Variants in TRIM9 observed in about 807,000 individuals in gnomAD.
The protein encoded by TRIM9 is E3 ubiquitin-protein ligase TRIM9.
TRIM9 carries 26 observed loss-of-function variants against 78.3 expected under a neutral mutation model. That is an observed-to-expected ratio of 0.33 (90% CI 0.24 to 0.46). The LOEUF (loss-of-function observed/expected upper bound fraction) is 0.46. Among genes scored for constraint, TRIM9 ranks in the 20% least tolerant of loss-of-function variants. The pLI is 1.00. For synonymous variants in TRIM9, 398 were observed against 416.5 expected, an observed-to-expected ratio of 0.96 and a Z score of 0.54; for missense variants, 787 against 1,036.4, an observed-to-expected ratio of 0.76 and a Z score of 3.30.
At chr14:51,012,654 G>A (rs1566577423) in intron 3 of TRIM9, among the ~76,000 whole-genome samples, 1 of 152,116 alleles carries the variant, frequency 6.6e-6, no homozygotes, top group African/African-American at 2.4e-5. Context: ...CATGGCAGCT[G>A]TACCATTTTA....
intron 1 of TRIM9, among the ~76,000 whole-genome samples, chr14:51,060,273 T>C (rs894813305): frequency 3.3e-5 from 5 of 152,228 alleles, no homozygotes; most frequent in African/African-American, 7.2e-5. Context: ...CAAAGTCTTA[T>C]ATCAGCCTAA....
intron 1 of TRIM9, among the ~76,000 whole-genome samples, chr14:51,082,639 G>T (rs2063405452): frequency 1.3e-5 from 2 of 152,234 alleles, no homozygotes; most frequent in South Asian, 4.1e-4. Context: ...AATAGTTGAG[G>T]TTTCTTTTTG....
chr14:51,074,979 A>C (rs1026911879), intron 1 of TRIM9, among the ~76,000 whole-genome samples: 10 of 152,342 alleles, frequency 6.6e-5, no homozygotes, highest in African/African-American at 2.4e-4. Flanking sequence ...GTCTCTTCAC[A>C]AAGGCACAAG....
At chr14:50,994,847 A>G (rs780178877) in intron 7 of TRIM9, among the ~76,000 whole-genome samples, 1 of 152,242 alleles carries the variant, frequency 6.6e-6, no homozygotes, top group Non-Finnish European at 1.5e-5. Context: ...TGAAAATTTC[A>G]TTAAAATTCT....
intron 5 of TRIM9, among the ~76,000 whole-genome samples, chr14:51,008,678 C>T (rs1181782018): frequency 6.6e-6 from 1 of 152,236 alleles, no homozygotes. Context: ...GATCCATGCT[C>T]AACCATTTGC....
Position 51,094,699 on chromosome 14 carries a change from A to G in TRIM9, c.241T>C (p.Tyr81His). Residue 81 changes from tyrosine to histidine, a missense_variant, in exon 1 of 13, where the codon TAC (tyrosine) becomes CAC (histidine). By Grantham distance (83) the Tyr-to-His change is moderately conservative. Around this residue, in one of 3 missense-constraint regions of TRIM9, gnomAD observed 352 missense variants for 472.3 expected, o/e 0.75. Coordinates refer to ENST00000684578, the MANE Select transcript of TRIM9 (RefSeq NM_001387360.1). Reference protein sequence around the residue: ...YSEADSGYGSYGGFASAPTTP... With the variant: ...YSEADSGYGSHGGFASAPTTP... ...GTGGGGGCGCTGGCGAACCCCCCGTAGGAGCCATAGCCGCTGTCCGCCTCG... is the reference window on the plus strand; with the variant it reads ...GTGGGGGCGCTGGCGAACCCCCCGTGGGAGCCATAGCCGCTGTCCGCCTCG... 1.3e-6 allele frequency: 2 copies of G among 1,567,802 alleles called. No homozygotes were observed. The highest frequency in any genetic ancestry group is 1.7e-6 in the Non-Finnish European group (2 of 1,155,852).
At position 50,976,629 on chromosome 14, in the gene TRIM9, A is replaced by G. The variant is rs2139243657; in HGVS notation, c.*662T>C. Reference sequence around the variant, plus strand: ...GACTTTCCAATTTTATACAGTGGCCAGGGTTCTGGCCTATCCTAATTATAG... The same window carrying G: ...GACTTTCCAATTTTATACAGTGGCCGGGGTTCTGGCCTATCCTAATTATAG... On this transcript the variant is annotated 3_prime_UTR_variant, in exon 13 of 13. Transcript: ENST00000684578. 1 of 152,792 alleles carries G rather than the reference A, an allele frequency of 6.5e-6. No individual in the cohort carries two copies. Among genetic ancestry groups the G allele is most frequent in the Middle Eastern group, 3.4e-3 (1 of 294 alleles). 9.5% of individuals were successfully genotyped at this position (152,792 alleles called of 1,614,324 possible). A position where few individuals can be genotyped will look rare whatever the true frequency, so the allele number is the denominator to read the frequency against.
chr14:50,978,957 G>A, intron 12 of TRIM9: 4 of 1,094,668 alleles, frequency 3.7e-6, no homozygotes, highest in Non-Finnish European at 4.5e-6. Context: ...AAACAAGAGT[G>A]CAGAGAAGAT....
chr14:51,022,919 T>C lies in TRIM9; in HGVS notation c.957A>G (p.Gln319=), dbSNP rs747747688. The change falls in exon 3 of 13, where the codon CAA becomes CAG. Residue 319 remains glutamine, a synonymous_variant. Coordinates refer to ENST00000684578, the MANE Select transcript of TRIM9 (RefSeq NM_001387360.1). ...SVEFEACLVA[Q]CDALIDALNR... is the part of the protein sequence containing the mutation. ...TGAGGGCATCGATGAGGGCATCACA[T>C]TGGGCCACCAGACAGGCTTCAAACT... 28 of 1,614,172 alleles carry C rather than the reference T, an allele frequency of 1.7e-5. No individual in the cohort carries two copies. Among genetic ancestry groups the C allele is most frequent in the Non-Finnish European group, 2.4e-5 (28 of 1,180,018 alleles).
At position 51,094,797 on chromosome 14, in the gene TRIM9, T is replaced by TG; in HGVS notation, c.142dup (p.Gln48ProfsTer14). On this transcript the variant is annotated frameshift_variant, in exon 1 of 13. Transcript: ENST00000684578. LOFTEE classifies it high-confidence loss of function. ...CCCGGAGCCCGCGGCCCGATGGCTCTGGGGGGATTCAGACTCTGGGGTCTG... is the reference window on the plus strand; with the variant it reads ...CCCGGAGCCCGCGGCCCGATGGCTCTGGGGGGGATTCAGACTCTGGGGTCTG... 6.5e-7 allele frequency: 1 copy of TG among 1,536,882 alleles called. No individual in the cohort carries two copies. Among genetic ancestry groups the TG allele is most frequent in the Non-Finnish European group, 8.7e-7 (1 of 1,146,336 alleles).
At chr14:51,048,769 G>C (rs1045360898) in intron 1 of TRIM9, among the ~76,000 whole-genome samples, 1 of 151,994 alleles carries the variant, frequency 6.6e-6, no homozygotes, top group African/African-American at 2.4e-5. Context: ...CGGATCACGA[G>C]GTCAGGAGAT....
intron 7 of TRIM9, among the ~76,000 whole-genome samples, chr14:50,991,036 A>C (rs1233318346): frequency 6.6e-6 from 1 of 152,214 alleles, no homozygotes; most frequent in Non-Finnish European, 1.5e-5. Flanking sequence ...TGAGAAACAA[A>C]TCTGTTTTGA....
chr14:51,094,809 G>A lies in TRIM9; in HGVS notation c.131C>T (p.Ser44Phe). 1.3e-6 allele frequency: 2 copies of A among 1,537,280 alleles called. No homozygotes were observed. Among genetic ancestry groups the A allele is most frequent in the Non-Finnish European group, 1.7e-6 (2 of 1,146,666 alleles). The part of the protein sequence containing the change: ...ARNILVQTPE[S>F]ESPQSHRAAG... ...GGCCCGATGGCTCTGGGGGGATTCAGACTCTGGGGTCTGCACCAGGATGTT... is the reference window on the plus strand; with the variant it reads ...GGCCCGATGGCTCTGGGGGGATTCAAACTCTGGGGTCTGCACCAGGATGTT... Residue 44 changes from serine (S) to phenylalanine (F), a missense_variant, in exon 1 of 13, where the codon TCT (serine) becomes TTT (phenylalanine). Transcript: ENST00000684578.
intron 1 of TRIM9, among the ~76,000 whole-genome samples, chr14:51,049,690 G>A (rs1389219338): frequency 6.6e-6 from 1 of 151,912 alleles, no homozygotes; most frequent in Non-Finnish European, 1.5e-5. Flanking sequence ...GTTGGGTGTG[G>A]TGGTGGGTGC....
At chr14:51,088,144 G>A (rs1048123856) in intron 1 of TRIM9, among the ~76,000 whole-genome samples, 1 of 152,114 alleles carries the variant, frequency 6.6e-6, no homozygotes, top group African/African-American at 2.4e-5. Flanking sequence ...AAGATTTAAG[G>A]ATAGGTTTGC....
chr14:51,059,326 C>T (rs2061144305), intron 1 of TRIM9, among the ~76,000 whole-genome samples: 1 of 152,182 alleles, frequency 6.6e-6, no homozygotes, highest in Non-Finnish European at 1.5e-5. Flanking sequence ...TAGCATTTAC[C>T]CAGGTGCCTT....
intron 12 of TRIM9, chr14:50,979,040 T>G: frequency 7.7e-7 from 1 of 1,292,968 alleles, no homozygotes; most frequent in Non-Finnish European, 9.8e-7. Flanking sequence ...CTCCTGAGCT[T>G]TGTTAAGTCA....
chr14:50,995,911 T>A (rs186728228), intron 7 of TRIM9, among the ~76,000 whole-genome samples: 8 of 149,898 alleles, frequency 5.3e-5, no homozygotes, highest in African/African-American at 1.8e-4. Context: ...AAAAAAGAGA[T>A]AATTATTTGA....
intron 11 of TRIM9, 44 bp from the exon 12 acceptor site, chr14:50,979,593 C>G: frequency 6.6e-7 from 1 of 1,515,730 alleles, no homozygotes; most frequent in Non-Finnish European, 9.1e-7. Flanking sequence ...CTTGTGGTCA[C>G]TCTAGAAGCT....
Sources: gnomAD v4.1 joint callset for allele counts (sites outside exome capture counted in the v4.1 genomes callset) on GRCh38, gnomAD v4.1.1 for gene constraint, gnomAD v4.1.1 regional missense constraint, MANE v1.5 for transcripts, NCBI Gene and HGNC (gene_info 2026-07-23, HGNC 2026-07-21) for gene names.